Variants in MCTP1 observed in about 807,000 individuals in gnomAD.
The protein encoded by MCTP1 is multiple C2 and transmembrane domain containing 1.
Under a neutral mutation model 120.6 loss-of-function variants are expected in MCTP1, and 69 were observed. That is an observed-to-expected ratio of 0.57 (90% CI 0.47 to 0.70). MCTP1 has a LOEUF of 0.70. Among genes scored for constraint, MCTP1 ranks in the 30% least tolerant of loss-of-function variants. The pLI, the probability that MCTP1 is intolerant of heterozygous loss-of-function variation, is 0.00. For missense variants in MCTP1, 1,203 were observed against 1,248.8 expected (o/e 0.96, Z 0.55); for synonymous variants, 529 against 493.1 (o/e 1.07, Z -0.96).
chr5:95,170,946 T>G (rs1747189908), intron 1 of MCTP1, among the ~76,000 whole-genome samples: 1 of 152,196 alleles, frequency 6.6e-6, no homozygotes, highest in Non-Finnish European at 1.5e-5. Context: ...AATTTGATCC[T>G]GTCATTATGA....
At position 94,931,986 on chromosome 5, in the gene MCTP1, C is replaced by T; in HGVS notation, c.1179G>A (p.Met393Ile). 1 of 1,595,646 alleles carries T rather than the reference C, an allele frequency of 6.3e-7. No homozygotes were observed. Among genetic ancestry groups the T allele is most frequent in the Non-Finnish European group, 8.6e-7 (1 of 1,164,796 alleles). The change falls in exon 6 of 23, where the codon ATG becomes ATA. Residue 393 changes from methionine to isoleucine, a missense_variant. This residue lies in a region of MCTP1 where 740 missense variants were observed against 871.1 expected (regional missense o/e 0.85). Coordinates refer to ENST00000515393, the MANE Select transcript of MCTP1 (RefSeq NM_024717.7). Reference protein sequence around the residue: ...PKEGESRDVTMLMRKSWKRSS... With the variant: ...PKEGESRDVTILMRKSWKRSS... ...ATCTTTTCCAACTCTTCCTCATTAG[C>T]ATTGTCTGTAAATAAAATAAAGCAT... is the stretch of plus-strand genomic sequence containing the variant.
chr5:94,906,063 G>C (rs1581274167), intron 10 of MCTP1, among the ~76,000 whole-genome samples: 2 of 152,300 alleles, frequency 1.3e-5, no homozygotes, highest in African/African-American at 2.4e-5. Flanking sequence ...ACTGCTGCTG[G>C]GTCAGGTTAG....
intron 3 of MCTP1, 110 bp downstream of exon 3, chr5:94,953,109 A>C (rs890687833): frequency 1.0e-6 from 1 of 973,188 alleles, no homozygotes; most frequent in Non-Finnish European, 1.5e-6. Flanking sequence ...GGCGAAGAGC[A>C]GAACACATCT....
chr5:95,208,041 AAG>A (rs1386603890), intron 1 of MCTP1, among the ~76,000 whole-genome samples: 1 of 146,978 alleles, frequency 6.8e-6, no homozygotes, highest in Non-Finnish European at 1.5e-5. Context: ...AAGAGAGAGC[AAG>A]AGAGAGAGTC....
chr5:95,070,888 G>A (rs552052669), intron 1 of MCTP1, among the ~76,000 whole-genome samples: 133 of 152,306 alleles, frequency 8.7e-4, no homozygotes, highest in African/African-American at 3.1e-3. Flanking sequence ...CTTGGTTAAG[G>A]TGGTTGGGAG....
intron 19 of MCTP1, among the ~76,000 whole-genome samples, chr5:94,734,994 G>C (rs912045382): frequency 6.6e-6 from 1 of 152,130 alleles, no homozygotes; most frequent in African/African-American, 2.4e-5. Flanking sequence ...AAAAAAAGTA[G>C]TAGCAAAGAA....
chr5:94,958,956 A>G (rs979565815), intron 2 of MCTP1, among the ~76,000 whole-genome samples: 1 of 152,224 alleles, frequency 6.6e-6, no homozygotes, highest in South Asian at 2.1e-4. Context: ...AACCTGGCAG[A>G]GACACAACAA....
intron 1 of MCTP1, among the ~76,000 whole-genome samples, chr5:95,121,143 T>C (rs1167357375): frequency 6.6e-6 from 1 of 151,744 alleles, no homozygotes; most frequent in African/African-American, 2.4e-5. Context: ...CCTGGTGCGG[T>C]GGCGGGTGCC....
chr5:94,829,142 C>T (rs939783331), intron 17 of MCTP1, among the ~76,000 whole-genome samples: 6 of 152,192 alleles, frequency 3.9e-5, no homozygotes, highest in African/African-American at 1.2e-4. Context: ...GTGAAGACCA[C>T]GGGAAAAGCA....
chr5:94,797,624 C>T (rs897650987), intron 18 of MCTP1, among the ~76,000 whole-genome samples: 1 of 152,100 alleles, frequency 6.6e-6, no homozygotes, highest in Non-Finnish European at 1.5e-5. Flanking sequence ...ATTGGTGCTG[C>T]CTAACCATTA....
At chr5:95,061,408 GTTTTTTTTTTTTTTTTTTTTTTTTTTTTT>G (rs556663513) in intron 1 of MCTP1, among the ~76,000 whole-genome samples, 4 of 33,488 alleles carry the variant, frequency 1.2e-4, no homozygotes, top group Admixed American at 7.1e-4. Context: ...CCCCTTAAGG[GTTTTTTTTTTTTTTTTTTTTTTTTTTTTT>G]TTTTTTTTTT....
At chr5:94,797,471 GAAAA>G (rs980324585) in intron 18 of MCTP1, among the ~76,000 whole-genome samples, 2 of 152,112 alleles carry the variant, frequency 1.3e-5, no homozygotes, top group Non-Finnish European at 2.9e-5. Context: ...TTTTCTTCCA[GAAAA>G]CATCCTGAAT....
chr5:94,852,647 G>A (rs1046983303), intron 17 of MCTP1, among the ~76,000 whole-genome samples: 12 of 151,862 alleles, frequency 7.9e-5, no homozygotes, highest in Non-Finnish European at 2.9e-5. Flanking sequence ...TGGGAAAATT[G>A]CCCATATATG....
chr5:95,028,793 T>C (rs1839754561), intron 1 of MCTP1, among the ~76,000 whole-genome samples: 2 of 152,240 alleles, frequency 1.3e-5, no homozygotes, highest in Non-Finnish European at 2.9e-5. Context: ...CCAAAAATAC[T>C]ATCCTGTCTG....
At chr5:94,731,278 G>A (rs1041841312) in intron 19 of MCTP1, among the ~76,000 whole-genome samples, 3 of 152,098 alleles carry the variant, frequency 2.0e-5, no homozygotes, top group Admixed American at 2.0e-4. Flanking sequence ...TTCTTCCATT[G>A]TGGCCCAGGG....
intron 2 of MCTP1, among the ~76,000 whole-genome samples, chr5:94,954,032 ACAAAT>A (rs1821609701): frequency 2.4e-5 from 2 of 84,962 alleles, no homozygotes; most frequent in African/African-American, 9.9e-5. Context: ...GCATATATAT[ACAAAT>A]ATATATATGC....
chr5:94,857,218 C>T (rs1041190046), intron 17 of MCTP1, among the ~76,000 whole-genome samples: 4 of 151,680 alleles, frequency 2.6e-5, no homozygotes, highest in African/African-American at 9.7e-5. Context: ...GAGTCAGCCA[C>T]TCAACACAGC....
chr5:94,904,500 G>A (rs1325851013), intron 10 of MCTP1, among the ~76,000 whole-genome samples: 6 of 152,068 alleles, frequency 3.9e-5, no homozygotes, highest in Admixed American at 2.0e-4. Flanking sequence ...AGACAGCTCC[G>A]TAGATATCAT....
At chr5:95,089,541 A>G in intron 1 of MCTP1, among the ~76,000 whole-genome samples, 1 of 152,204 alleles carries the variant, frequency 6.6e-6, no homozygotes, top group Non-Finnish European at 1.5e-5. Flanking sequence ...CTTATGACTC[A>G]TATTTTAAAT....
Sources: allele counts gnomAD v4.1 joint callset (sites outside exome capture counted in the v4.1 genomes callset), GRCh38; gene constraint gnomAD v4.1.1; regional missense constraint gnomAD v4.1.1; transcripts MANE v1.5; gene names NCBI Gene and HGNC (gene_info 2026-07-23, HGNC 2026-07-21).